Variants in OCA2 observed in about 807,000 individuals in gnomAD.
The protein encoded by OCA2 is OCA2 melanosomal transmembrane protein, also known as P protein.
A neutral mutation model predicts 100.2 loss-of-function variants in OCA2; 77 were observed. The ratio of observed to expected loss-of-function variants is 0.77; its 90% CI spans 0.64 to 0.93. The LOEUF is 0.93. OCA2 is among the 40% of genes least tolerant of loss of function. OCA2 has a pLI of 0.00. For missense variants in OCA2, 1,062 were observed against 1,089.1 expected, an observed-to-expected ratio of 0.98 and a Z score of 0.35; for synonymous variants, 432 against 439.2, an observed-to-expected ratio of 0.98 and a Z score of 0.21.
intron 1 of OCA2, among the ~76,000 whole-genome samples, chr15:28,096,454 T>A (rs562282660): frequency 6.6e-6 from 1 of 152,284 alleles, no homozygotes; most frequent in African/African-American, 2.4e-5. Flanking sequence ...TTCCTTCTAG[T>A]TCCCGGATCC....
intron 21 of OCA2, among the ~76,000 whole-genome samples, chr15:27,862,021 T>C (rs1653869518): frequency 6.6e-6 from 1 of 152,234 alleles, no homozygotes; most frequent in Non-Finnish European, 1.5e-5. Flanking sequence ...GCCCACATGG[T>C]TGCTTTTACG....
intron 23 of OCA2, among the ~76,000 whole-genome samples, chr15:27,835,423 GC>G (rs2035111072): frequency 6.6e-6 from 1 of 152,280 alleles, no homozygotes; most frequent in Admixed American, 6.5e-5. Flanking sequence ...TGCTCTTTGG[GC>G]CCCCACAACC....
At chr15:27,802,511 C>A (rs2033658315) in intron 23 of OCA2, among the ~76,000 whole-genome samples, 1 of 151,874 alleles carries the variant, frequency 6.6e-6, no homozygotes, top group East Asian at 1.9e-4. Context: ...ACCAAAAAAA[C>A]CTGAAAGAAC....
intron 17 of OCA2, 99 bp downstream of exon 17, chr15:27,955,059 G>A: frequency 2.2e-6 from 2 of 889,730 alleles, no homozygotes; most frequent in Non-Finnish European, 3.8e-6. Context: ...GAAATAAAAA[G>A]AGAAACGGCA....
intron 23 of OCA2, among the ~76,000 whole-genome samples, chr15:27,831,613 G>A (rs2034960581): frequency 6.6e-6 from 1 of 152,228 alleles, no homozygotes; most frequent in African/African-American, 2.4e-5. Flanking sequence ...CCAAGAGTGG[G>A]CACCCAGCTC....
At chr15:27,730,807 C>T in the OCA2 span, among the ~76,000 whole-genome samples, 1 of 137,382 alleles carries the variant, frequency 7.3e-6, no homozygotes, top group Non-Finnish European at 1.5e-5. Flanking sequence ...ATCACAGGAG[C>T]TTTGAGAACT....
chr15:27,807,744 A>G (rs1474354675), intron 23 of OCA2, among the ~76,000 whole-genome samples: 2 of 152,238 alleles, frequency 1.3e-5, no homozygotes, highest in African/African-American at 2.4e-5. Flanking sequence ...ATTCTCAGGA[A>G]GGAAAATCAC....
intron 18 of OCA2, among the ~76,000 whole-genome samples, chr15:27,927,860 C>T (rs905491557): frequency 7.2e-6 from 1 of 138,790 alleles, no homozygotes; most frequent in African/African-American, 2.7e-5. Flanking sequence ...GGTGCAATCT[C>T]AGCTCACTGC....
intron 13 of OCA2, 31 bp downstream of exon 13, chr15:27,985,033 G>A (rs750104935): frequency 1.3e-5 from 21 of 1,612,722 alleles, no homozygotes; most frequent in South Asian, 7.7e-5. Context: ...GAACCTGGCC[G>A]CAACTCCCAC....
At chr15:28,049,813 C>T (rs946701669) in intron 2 of OCA2, among the ~76,000 whole-genome samples, 39 of 151,966 alleles carry the variant, frequency 2.6e-4, no homozygotes, top group Non-Finnish European at 4.3e-4. Flanking sequence ...GAGGAAGGCA[C>T]GGAGAGTTAT....
chr15:28,057,798 G>A (rs145195308), intron 2 of OCA2, among the ~76,000 whole-genome samples: 225 of 146,298 alleles, frequency 1.5e-3, no homozygotes, highest in African/African-American at 5.8e-3. Context: ...TGGGAACAAC[G>A]TCATCACAAA....
At chr15:28,019,394 T>G (rs1227475199) in intron 6 of OCA2, among the ~76,000 whole-genome samples, 2 of 152,090 alleles carry the variant, frequency 1.3e-5, no homozygotes, top group Non-Finnish European at 2.9e-5. Context: ...TGCTGGCTTC[T>G]GTTCATTTGC....
intron 18 of OCA2, among the ~76,000 whole-genome samples, chr15:27,931,314 T>C (rs888678996): frequency 6.6e-6 from 1 of 152,156 alleles, no homozygotes; most frequent in South Asian, 2.1e-4. Flanking sequence ...CATTTTATTT[T>C]ATCTATTTAT....
chr15:28,065,868 T>C (rs2044007936), intron 2 of OCA2, among the ~76,000 whole-genome samples: 1 of 152,162 alleles, frequency 6.6e-6, no homozygotes, highest in Admixed American at 6.5e-5. Flanking sequence ...AAAATGTGAT[T>C]CTTCTTAATG....
chr15:28,010,759 C>T (rs577482801), intron 9 of OCA2, among the ~76,000 whole-genome samples: 1 of 152,232 alleles, frequency 6.6e-6, no homozygotes, highest in South Asian at 2.1e-4. Context: ...GATGTCAAAG[C>T]ACCACATGAA....
At chr15:27,845,718 G>A (rs111739321) in intron 22 of OCA2, among the ~76,000 whole-genome samples, 2,217 of 152,230 alleles carry the variant, frequency 0.015, 49 homozygotes, top group African/African-American at 0.049. Flanking sequence ...CCCAGCCATC[G>A]TGGTCAGTGT....
chr15:27,862,312 C>G (rs1260833871), intron 21 of OCA2, among the ~76,000 whole-genome samples: 1 of 151,910 alleles, frequency 6.6e-6, no homozygotes, highest in Non-Finnish European at 1.5e-5. Context: ...TCATCAGCCT[C>G]GAGTCCTCAC....
At chr15:27,884,897 G>A (rs368988527) in intron 19 of OCA2, among the ~76,000 whole-genome samples, 26 of 152,144 alleles carry the variant, frequency 1.7e-4, no homozygotes, top group African/African-American at 6.3e-4. Context: ...TTATTGTGTC[G>A]GTGAACTTAG....
At chr15:27,807,468 G>A (rs560593234) in intron 23 of OCA2, among the ~76,000 whole-genome samples, 102 of 152,266 alleles carry the variant, frequency 6.7e-4, no homozygotes, top group African/African-American at 2.3e-3. Context: ...AGACAGGCAC[G>A]AAGAATAATG....
Sources: gnomAD v4.1 joint callset for allele counts (sites outside exome capture counted in the v4.1 genomes callset) on GRCh38, gnomAD v4.1.1 for gene constraint, MANE v1.5 for transcripts, NCBI Gene and HGNC (gene_info 2026-07-23, HGNC 2026-07-21) for gene names.